The following CAT variants were observed in gnomAD, a reference collection of about 807,000 sequenced individuals.
The protein encoded by CAT is epididymis secretory sperm binding protein.
A neutral mutation model predicts 59.0 loss-of-function variants in CAT; 43 were observed. The ratio of observed to expected loss-of-function variants is 0.73; its 90% CI spans 0.57 to 0.94. CAT has a LOEUF of 0.94. CAT is among the 40% of genes least tolerant of loss of function. CAT has a pLI of 0.00. For synonymous variants in CAT, 218 were observed against 230.9 expected (o/e 0.94, Z 0.51); for missense variants, 664 against 682.9 (o/e 0.97, Z 0.31).
At position 34,456,068 on chromosome 11, in the gene CAT, G is replaced by T; in HGVS notation, c.769G>T (p.Asp257Tyr). 6.2e-7 allele frequency: 1 copy of T among 1,614,130 alleles called. No homozygotes were observed. Among genetic ancestry groups the T allele is most frequent in the Non-Finnish European group, 8.5e-7 (1 of 1,180,030 alleles). The change falls in exon 7 of 13, where the codon GAT (aspartate) becomes TAT (tyrosine). Residue 257 changes from aspartate (D) to tyrosine (Y), a missense_variant. Transcript: ENST00000241052. ...VEDAARLSQE[D>Y]PDYGIRDLFN... ...AGATGCGGCGAGACTTTCCCAGGAA[G>T]ATCCTGACTATGGCATCCGGGATCT... is the stretch of plus-strand genomic sequence containing the variant.
chr11:34,439,102 G>T, intron 1 of CAT, 23 bp downstream of exon 1: 1 of 1,566,128 alleles, frequency 6.4e-7, no homozygotes, highest in Non-Finnish European at 8.7e-7. Context: ...CTCCCCGAGC[G>T]GGCCCGAAGG....
intron 12 of CAT, 92 bp from the exon 13 acceptor site, chr11:34,471,276 T>A: frequency 2.8e-6 from 3 of 1,057,676 alleles, no homozygotes; most frequent in Non-Finnish European, 4.5e-6. Flanking sequence ...TTCTGAATTA[T>A]TATTTTCATT....
At chr11:34,453,583 G>A (rs565282827) in intron 5 of CAT, among the ~76,000 whole-genome samples, 1 of 152,222 alleles carries the variant, frequency 6.6e-6, no homozygotes, top group East Asian at 1.9e-4. Context: ...ATAGAATTTT[G>A]AGTCATAGTA....
intron 11 of CAT, 132 bp downstream of exon 11, chr11:34,468,527 ACTAGT>A: frequency 1.4e-6 from 1 of 694,474 alleles, no homozygotes; most frequent in Non-Finnish European, 2.5e-6. Context: ...AAAAAAATAA[ACTAGT>A]AATCCCCAAC....
rs77961889 is a variant in CAT, at chr11:34,451,881, C to G, written c.350-196C>G. Among the ~76,000 whole-genome samples the G allele has an allele frequency of 4.6e-3, 697 of 152,254 alleles. 1 individual carries two copies. Among genetic ancestry groups the G allele is most frequent in the Non-Finnish European group, 7.9e-3 (536 of 68,014 alleles). On this transcript the variant is annotated intron_variant, in intron 3 of 12. Coordinates refer to ENST00000241052, the MANE Select transcript of CAT (RefSeq NM_001752.4). ...TTATTACATGTGTTCTCTTATTGCT[C>G]TCAATTAATTATTTTGTTTGATTTG... is the stretch of plus-strand genomic sequence containing the variant.
chr11:34,456,691 C>T lies in CAT; in HGVS notation c.930C>T (p.Leu310=), dbSNP rs150895196. 11 of 1,613,864 alleles carry T rather than the reference C, an allele frequency of 6.8e-6. No homozygotes were observed. The African/African-American group carries it at 1.5e-4, about 22-fold the overall frequency. ...TTTGGCCTCACAAGGACTACCCTCT[C>T]ATCCCAGTTGGTAAACTGGTCTTAA... ...TKVWPHKDYP[L]IPVGKLVLNR... The change falls in exon 8 of 13, where the codon CTC becomes CTT. Residue 310 remains leucine, a synonymous_variant. Transcript: ENST00000241052.
intron 11 of CAT, among the ~76,000 whole-genome samples, chr11:34,470,029 T>C (rs1327223236): frequency 1.3e-5 from 2 of 152,152 alleles, no homozygotes; most frequent in African/African-American, 4.8e-5. Flanking sequence ...AGTAACTGTG[T>C]GTCCTATAAC....
At chr11:34,455,459 G>T (rs1232723214) in intron 6 of CAT, among the ~76,000 whole-genome samples, 1 of 151,242 alleles carries the variant, frequency 6.6e-6, no homozygotes, top group East Asian at 1.9e-4. Context: ...CCTGCTCATA[G>T]TCAGAGAACT....
At chr11:34,446,490 C>T (rs137869395) in intron 1 of CAT, among the ~76,000 whole-genome samples, 5 of 152,278 alleles carry the variant, frequency 3.3e-5, no homozygotes, top group African/African-American at 1.2e-4. Context: ...AAGACCACCT[C>T]AAGCTTTAGT....
chr11:34,450,135 G>A (rs1450123567), intron 2 of CAT, among the ~76,000 whole-genome samples: 5 of 152,160 alleles, frequency 3.3e-5, no homozygotes, highest in Admixed American at 3.3e-4. Context: ...TCTCATCAAC[G>A]TTATAATGAA....
Position 34,471,054 on chromosome 11 carries a change from C to T in CAT, c.1518+13C>T. 4 of 1,610,880 alleles carry T rather than the reference C, an allele frequency of 2.5e-6. No homozygotes were observed. The highest frequency in any genetic ancestry group is 2.5e-6 in the Non-Finnish European group (3 of 1,177,022). On this transcript the variant is annotated intron_variant, in intron 12 of 12. Coordinates refer to ENST00000241052, the MANE Select transcript of CAT (RefSeq NM_001752.4). ...TGAGAAGCCTAAGGTAAGCTGGGAG[C>T]AGCCTGGCCATGCAGAGGCTGTGTG...
At chr11:34,462,736 A>T (rs17884666) in intron 9 of CAT, among the ~76,000 whole-genome samples, 15,936 of 152,182 alleles carry the variant, frequency 0.1, 937 homozygotes, top group East Asian at 0.3. Context: ...AAAGTAGAGC[A>T]TTTGGGCTGT....
At chr11:34,468,465 C>G in intron 11 of CAT, 70 bp downstream of exon 11, 2 of 1,109,412 alleles carry the variant, frequency 1.8e-6, no homozygotes, top group Non-Finnish European at 1.4e-6. Context: ...TGGGAGAACC[C>G]TAAAAAGAAA....
At chr11:34,470,454 A>G (rs1418779628) in intron 11 of CAT, among the ~76,000 whole-genome samples, 4 of 152,058 alleles carry the variant, frequency 2.6e-5, no homozygotes, top group African/African-American at 7.2e-5. Flanking sequence ...GCTATGGGTG[A>G]TTGAATACAA....
intron 1 of CAT, among the ~76,000 whole-genome samples, chr11:34,446,215 G>T (rs1012804226): frequency 6.6e-6 from 1 of 152,070 alleles, no homozygotes; most frequent in East Asian, 1.9e-4. Context: ...GTTGCTGACT[G>T]TTGAAGCTTT....
chr11:34,465,075 G>A (rs1856699139), intron 10 of CAT, among the ~76,000 whole-genome samples: 1 of 152,322 alleles, frequency 6.6e-6, no homozygotes, highest in East Asian at 1.9e-4. Flanking sequence ...GGACTTGGAA[G>A]GGCTGTAGGT....
Position 34,438,979 on chromosome 11 carries a change from C to G in CAT, c.-35C>G, listed in dbSNP as rs964276907. On this transcript the variant is annotated 5_prime_UTR_variant, in exon 1 of 13. Transcript: ENST00000241052. ...GAGGGTGGAGACCCACGAGCCGAGG[C>G]CTCCTGCAGTGTTCTGCACAGCAAA... 3.9e-5 allele frequency: 60 copies of G among 1,553,044 alleles called. No homozygotes were observed. Among genetic ancestry groups the G allele is most frequent in the Non-Finnish European group, 4.7e-5 (54 of 1,144,486 alleles).
At position 34,464,377 on chromosome 11, in the gene CAT, A is replaced by T. The variant is rs904371669; in HGVS notation, c.1326+142A>T. 1.1e-5 allele frequency: 10 copies of T among 905,648 alleles called. No individual in the cohort carries two copies. The Admixed American group carries it at 1.8e-4, about 17-fold the overall frequency. The allele number at this position is 905,648 out of a possible 1,614,324, so 56.1% of individuals were successfully genotyped here. A position where few individuals can be genotyped will look rare whatever the true frequency, so the allele number is the denominator to read the frequency against. On this transcript the variant is annotated intron_variant, in intron 10 of 12. Transcript: ENST00000241052. Reference sequence around the variant, plus strand: ...AAGGAAGACTCATCTGTAATAGTAAATTGGGCCCCTTACTGGGTGGAGTTG... The same window carrying T: ...AAGGAAGACTCATCTGTAATAGTAATTTGGGCCCCTTACTGGGTGGAGTTG...
At chr11:34,443,814 TA>T (rs1207846312) in intron 1 of CAT, among the ~76,000 whole-genome samples, 1 of 152,174 alleles carries the variant, frequency 6.6e-6, no homozygotes, top group Admixed American at 6.5e-5. Context: ...GTAATCCTGG[TA>T]ATAACTGCAT....
Sources: allele counts gnomAD v4.1 joint callset (sites outside exome capture counted in the v4.1 genomes callset), GRCh38; gene constraint gnomAD v4.1.1; transcripts MANE v1.5; gene names NCBI Gene and HGNC (gene_info 2026-07-23, HGNC 2026-07-21).